The following DDX59 variants were observed in gnomAD, a reference collection of about 807,000 sequenced individuals.
The protein encoded by DDX59 is DEAD-box helicase 59.
Under a neutral mutation model 51.9 loss-of-function variants are expected in DDX59, and 30 were observed. The ratio of observed to expected loss-of-function variants is 0.58; its 90% CI spans 0.43 to 0.78. The LOEUF (loss-of-function observed/expected upper bound fraction) is 0.78. Among genes scored for constraint, DDX59 ranks in the 30% least tolerant of loss-of-function variants. The probability of loss-of-function intolerance (pLI) is 0.00; values close to 1 mark genes in which losing one functional copy is unlikely to be tolerated. For synonymous variants in DDX59, 255 were observed against 253.3 expected, an observed-to-expected ratio of 1.01 and a Z score of -0.06; for missense variants, 672 against 730.8, an observed-to-expected ratio of 0.92 and a Z score of 0.93.
At chr1:200,641,252 T>C (rs746138336), downstream of DDX59, 33 of 1,302,416 alleles carry the variant, frequency 2.5e-5, no homozygotes, top group Middle Eastern at 2.1e-4. Context: ...CCAAATAATA[T>C]TCAGCTGCCA....
At chr1:200,668,307 CA>C (rs68140421) in intron 1 of DDX59, among the ~76,000 whole-genome samples, 61,743 of 130,740 alleles carry the variant, frequency 0.47, 13,117 homozygotes, top group Middle Eastern at 0.5. Flanking sequence ...GACTCCGTCT[CA>C]AAAAAAAAAA....
chr1:200,666,855 C>A, intron 1 of DDX59, 104 bp from the exon 2 acceptor site: 4 of 1,218,494 alleles, frequency 3.3e-6, no homozygotes, highest in Non-Finnish European at 4.5e-6. Context: ...CCCCTGTAAT[C>A]CCAGCACTTT....
chr1:200,666,630 G>A lies in DDX59; in HGVS notation c.111C>T (p.Ser37=). The A allele has an allele frequency of 1.2e-6, 2 of 1,614,172 alleles. No homozygotes were observed. The highest frequency in any genetic ancestry group is 1.7e-6 in the Non-Finnish European group (2 of 1,180,032). ...PDPEDLQLDK[S]RDVPVDAVAT... ...CTACAGCATCAACGGGAACATCTCT[G>A]CTTTTGTCCAACTGAAGGTCTTCTG... Residue 37 remains serine (S), a synonymous_variant, in exon 2 of 8, where the codon AGC becomes AGT. Transcript: ENST00000331314.
intron 4 of DDX59, among the ~76,000 whole-genome samples, chr1:200,655,915 C>G (rs35249716): frequency 0.4 from 61,065 of 151,700 alleles, 12,462 homozygotes; most frequent in Middle Eastern, 0.42. Context: ...ACCGCAACCT[C>G]CACCTCCCGG....
downstream of DDX59, chr1:200,641,179 G>A (rs1661037328): frequency 3.1e-6 from 4 of 1,304,544 alleles, no homozygotes; most frequent in Non-Finnish European, 4.0e-6. Context: ...TGATTGTGGT[G>A]AGTAGACTGT....
rs141196498 is a variant in DDX59 at position 200,669,895 on chromosome 1, T to TGCGGGGCGGAGCGGA, written c.-141_-140insTCCGCTCCGCCCCGC. ...CAGGACTGCGGCCCGGGGTTGGTGG[T>TGCGGGGCGGAGCGGA]GCGGAGCGGAGCGGAGCGGAGCGTA... On this transcript the variant is annotated 5_prime_UTR_variant, in exon 1 of 8. Transcript: ENST00000331314. The TGCGGGGCGGAGCGGA allele has an allele frequency of 0.014, 1,655 of 122,250 alleles. 16 individuals are homozygous for TGCGGGGCGGAGCGGA. Among genetic ancestry groups the TGCGGGGCGGAGCGGA allele is most frequent in the African/African-American group, 0.027 (1,024 of 37,340 alleles). 7.6% of individuals were successfully genotyped at this position (122,250 alleles called of 1,614,324 possible). A position where few individuals can be genotyped will look rare whatever the true frequency, so the allele number is the denominator to read the frequency against.
chr1:200,665,790 A>G, intron 2 of DDX59, 147 bp downstream of exon 2: 1 of 777,140 alleles, frequency 1.3e-6, no homozygotes, highest in Non-Finnish European at 2.0e-6. Flanking sequence ...AACTACTATC[A>G]GAAGCAAAAT....
chr1:200,648,576 A>T lies in DDX59; in HGVS notation c.1468-9T>A, dbSNP rs764788131. 8 of 1,601,050 alleles carry T rather than the reference A, an allele frequency of 5.0e-6. No individual in the cohort carries two copies. In the East Asian group the frequency reaches 1.6e-4, roughly 31 times the overall value. ...TCTCCTTCAAGTAATCCCTTTCCAA[A>T]AAAGCAACAAAATTTATTATTCAGA... is the stretch of plus-strand genomic sequence containing the variant. On this transcript the variant is annotated splice_polypyrimidine_tract_variant and intron_variant, in intron 6 of 7. Coordinates refer to ENST00000331314, the MANE Select transcript of DDX59 (RefSeq NM_001031725.6).
chr1:200,655,840 T>C (rs956126857), intron 4 of DDX59, among the ~76,000 whole-genome samples: 13 of 152,172 alleles, frequency 8.5e-5, no homozygotes, highest in Admixed American at 5.9e-4. Context: ...CCAATTTTTT[T>C]TTTTTTTGAG....
In DDX59 at chr1:200,649,202, C is replaced by A. The variant is rs1355421882; in HGVS notation, c.1339G>T (p.Val447Leu). 6.3e-7 allele frequency: 1 copy of A among 1,578,990 alleles called. No individual in the cohort carries two copies. Among genetic ancestry groups the A allele is most frequent in the Non-Finnish European group, 8.5e-7 (1 of 1,169,736 alleles). The change falls in exon 6 of 8, where the codon GTG becomes TTG. Residue 447 changes from valine to leucine, a missense_variant. Transcript: ENST00000331314. ...AGTTTGCAGTCCACAAATACTAACA[C>A]TGGAGGCTTAAAGAGTTTCTTATCC... ...LNDKKLFKPP[V>L]LVFVDCKLGA... is the part of the protein sequence containing the mutation.
chr1:200,649,629 A>AC (rs1491107090), intron 5 of DDX59, among the ~76,000 whole-genome samples: 49 of 876 alleles, frequency 0.056, no homozygotes, highest in South Asian at 0.12. Flanking sequence ...ATTCCGTCAC[A>AC]AAAAAAAAAA....
intron 7 of DDX59, among the ~76,000 whole-genome samples, chr1:200,645,893 G>GT (rs1661265636): frequency 6.6e-6 from 1 of 152,098 alleles, no homozygotes; most frequent in Admixed American, 6.6e-5. Context: ...TTGTTTTTCA[G>GT]TAACAGCTTT....
intron 7 of DDX59, among the ~76,000 whole-genome samples, chr1:200,647,592 G>C (rs1396301054): frequency 4.0e-5 from 6 of 148,688 alleles, no homozygotes; most frequent in African/African-American, 1.5e-4. Context: ...TTTTTCTAAG[G>C]CACTTTAGGC....
intron 7 of DDX59, among the ~76,000 whole-genome samples, chr1:200,646,990 C>T (rs1300225455): frequency 1.3e-5 from 2 of 152,100 alleles, no homozygotes; most frequent in East Asian, 3.9e-4. Flanking sequence ...AACAATCAAC[C>T]CCCGTGGAAT....
chr1:200,664,601 C>CT (rs924182877), intron 2 of DDX59, among the ~76,000 whole-genome samples: 1 of 151,520 alleles, frequency 6.6e-6, no homozygotes, highest in East Asian at 1.9e-4. Flanking sequence ...CAATCTAGCA[C>CT]TTTTTTTTTC....
chr1:200,650,455 G>A lies in DDX59; in HGVS notation c.1284C>T (p.Ala428=), dbSNP rs377485552. 10 of 1,608,544 alleles carry A rather than the reference G, an allele frequency of 6.2e-6. No homozygotes were observed. In the African/African-American group the frequency reaches 1.3e-4, roughly 22 times the overall value. Residue 428 remains alanine (A), a synonymous_variant, in exon 5 of 8, where the codon GCC becomes GCT. Coordinates refer to ENST00000331314, the MANE Select transcript of DDX59 (RefSeq NM_001031725.6). The part of the protein sequence containing the change: ...RQIILWVEDP[A]KKKKLFEILN... ...AAATTTCAAATAATTTTTTCTTTTT[G>A]GCTGGGTCTTCTACCCACAAAATAA...
chr1:200,651,841 T>C (rs952304900), intron 4 of DDX59, among the ~76,000 whole-genome samples: 2 of 151,960 alleles, frequency 1.3e-5, no homozygotes, highest in Non-Finnish European at 2.9e-5. Context: ...ACCCTGTCTC[T>C]ACTAAAAATA....
chr1:200,664,371 T>C (rs1486992974), intron 2 of DDX59, among the ~76,000 whole-genome samples: 1 of 152,216 alleles, frequency 6.6e-6, no homozygotes, highest in African/African-American at 2.4e-5. Context: ...CCTAGTTTAT[T>C]GGACCCTGTA....
At position 200,666,321 on chromosome 1, in the gene DDX59, C is replaced by T; in HGVS notation, c.420G>A (p.Lys140=). Residue 140 remains lysine, a synonymous_variant, in exon 2 of 8, where the codon AAG becomes AAA. Transcript: ENST00000331314. ...TGAGTTTTGATTTCTCTTCCTTTTC[C>T]TTAACTTGTAGAAGATGTTTCGCTT... The part of the protein sequence containing the change: ...ECKAKHLLQV[K]EKEEKSKLSN... 1 of 1,614,188 alleles carries T rather than the reference C, an allele frequency of 6.2e-7. No homozygotes were observed. The highest frequency in any genetic ancestry group is 8.5e-7 in the Non-Finnish European group (1 of 1,180,032).
Sources: allele counts gnomAD v4.1 joint callset (sites outside exome capture counted in the v4.1 genomes callset), GRCh38; gene constraint gnomAD v4.1.1; transcripts MANE v1.5; gene names NCBI Gene and HGNC (gene_info 2026-07-23, HGNC 2026-07-21).